The following TTC28 variants were observed in gnomAD, a reference collection of about 807,000 sequenced individuals.
TTC28 encodes the protein tetratricopeptide repeat protein 28.
In TTC28, 61 loss-of-function variants were observed where a neutral mutation model predicts 198.0. That is an observed-to-expected ratio of 0.31 (90% CI 0.25 to 0.38). TTC28 has a LOEUF of 0.38. Among genes scored for constraint, TTC28 ranks in the 10% least tolerant of loss-of-function variants. The pLI is 1.00. For synonymous variants in TTC28, 1,171 were observed against 1,297.8 expected (o/e 0.90, Z 2.10); for missense variants, 2,678 against 3,164.0 (o/e 0.85, Z 3.69).
chr22:28,340,195 C>G (rs1373881902), intron 2 of TTC28, among the ~76,000 whole-genome samples: 3 of 152,098 alleles, frequency 2.0e-5, no homozygotes, highest in Non-Finnish European at 4.4e-5. Context: ...AATTACTTTC[C>G]TTCTCTGGGG....
intron 12 of TTC28, among the ~76,000 whole-genome samples, chr22:28,046,578 A>G (rs1001105853): frequency 6.6e-6 from 1 of 152,240 alleles, no homozygotes; most frequent in East Asian, 1.9e-4. Context: ...TTCTAAAGGT[A>G]ACCAAGCAAA....
chr22:28,203,962 T>C (rs1227938875), intron 5 of TTC28, among the ~76,000 whole-genome samples: 1 of 152,170 alleles, frequency 6.6e-6, no homozygotes, highest in African/African-American at 2.4e-5. Flanking sequence ...AATATGTTTA[T>C]TCATTGCCTT....
At chr22:28,210,482 C>T (rs1292274974) in intron 5 of TTC28, among the ~76,000 whole-genome samples, 1 of 151,972 alleles carries the variant, frequency 6.6e-6, no homozygotes, top group East Asian at 1.9e-4. Flanking sequence ...ATGAGAACTA[C>T]GTGACACATA....
At chr22:28,178,869 C>A (rs1416984322) in intron 5 of TTC28, among the ~76,000 whole-genome samples, 1 of 152,190 alleles carries the variant, frequency 6.6e-6, no homozygotes, top group Admixed American at 6.5e-5. Flanking sequence ...ATTAATAACA[C>A]CACCAGGGTT....
intron 2 of TTC28, among the ~76,000 whole-genome samples, chr22:28,529,858 A>C (rs1470055017): frequency 6.6e-6 from 1 of 152,198 alleles, no homozygotes; most frequent in African/African-American, 2.4e-5. Flanking sequence ...GTTAGAAGGA[A>C]AACTAACACA....
chr22:28,236,745 C>T (rs925710682), intron 5 of TTC28, among the ~76,000 whole-genome samples: 5 of 152,134 alleles, frequency 3.3e-5, no homozygotes, highest in South Asian at 2.1e-4. Flanking sequence ...TAAATTCCAG[C>T]GTACGTTCAG....
At chr22:28,507,910 A>C (rs971991030) in intron 2 of TTC28, among the ~76,000 whole-genome samples, 1 of 152,222 alleles carries the variant, frequency 6.6e-6, no homozygotes, top group African/African-American at 2.4e-5. Context: ...TGAAGGAAGC[A>C]CTAAATATGG....
chr22:28,601,777 G>GACACACACAC (rs34208241), intron 2 of TTC28, among the ~76,000 whole-genome samples: 4,656 of 141,460 alleles, frequency 0.033, 126 homozygotes, highest in Middle Eastern at 0.079. Flanking sequence ...GTAAACCCTA[G>GACACACACAC]ACACACACAC....
chr22:28,129,103 A>C (rs1203324654), intron 6 of TTC28, among the ~76,000 whole-genome samples: 1 of 152,170 alleles, frequency 6.6e-6, no homozygotes, highest in African/African-American at 2.4e-5. Flanking sequence ...ACAAGTACCC[A>C]AATGCTTTAG....
At chr22:28,504,985 G>A (rs9306458) in intron 2 of TTC28, among the ~76,000 whole-genome samples, 1 of 151,780 alleles carries the variant, frequency 6.6e-6, no homozygotes, top group Non-Finnish European at 1.5e-5. Flanking sequence ...GCCGGGTGCC[G>A]TGACTCACGC....
chr22:28,388,820 C>G (rs1358174813), intron 2 of TTC28, among the ~76,000 whole-genome samples: 34 of 152,064 alleles, frequency 2.2e-4, no homozygotes, highest in Admixed American at 1.0e-3. Flanking sequence ...TTTCCTAATT[C>G]AATACCCTTT....
chr22:28,406,921 C>T (rs1274282323), intron 2 of TTC28, among the ~76,000 whole-genome samples: 1 of 152,154 alleles, frequency 6.6e-6, no homozygotes, highest in Non-Finnish European at 1.5e-5. Context: ...TTACAAAAAA[C>T]TTTACTGGAC....
intron 2 of TTC28, among the ~76,000 whole-genome samples, chr22:28,542,898 A>T (rs1311681307): frequency 2.0e-5 from 3 of 152,236 alleles, no homozygotes; most frequent in Non-Finnish European, 4.4e-5. Flanking sequence ...AATAAGAACA[A>T]ATATCAATAA....
intron 2 of TTC28, among the ~76,000 whole-genome samples, chr22:28,386,194 G>C (rs958207025): frequency 7.0e-6 from 1 of 143,828 alleles, no homozygotes; most frequent in African/African-American, 2.6e-5. Context: ...AGAATGGCGT[G>C]AACCCGGGAG....
intron 2 of TTC28, among the ~76,000 whole-genome samples, chr22:28,432,286 AAAAT>A (rs548317275): frequency 1.2e-4 from 18 of 151,768 alleles, no homozygotes; most frequent in African/African-American, 3.9e-4. Context: ...ACTCTGTCTC[AAAAT>A]AAATAAATAA....
At chr22:28,310,134 T>TC (rs2045227786) in intron 2 of TTC28, among the ~76,000 whole-genome samples, 1 of 101,102 alleles carries the variant, frequency 9.9e-6, no homozygotes, top group South Asian at 3.5e-4. Flanking sequence ...CTGTGACACA[T>TC]AACACACACA....
At chr22:28,084,644 G>A (rs980584110) in intron 12 of TTC28, among the ~76,000 whole-genome samples, 1 of 152,184 alleles carries the variant, frequency 6.6e-6, no homozygotes, top group Non-Finnish European at 1.5e-5. Context: ...ACCAGCAACG[G>A]AACAAAGCTG....
chr22:28,042,426 T>C (rs1015832646), intron 12 of TTC28, among the ~76,000 whole-genome samples: 2 of 152,160 alleles, frequency 1.3e-5, no homozygotes, highest in East Asian at 1.9e-4. Context: ...TTCATAACCT[T>C]TGCAGGGACT....
chr22:28,568,737 T>C (rs2091725760), intron 2 of TTC28, among the ~76,000 whole-genome samples: 1 of 152,186 alleles, frequency 6.6e-6, no homozygotes, highest in African/African-American at 2.4e-5. Context: ...TCCATGCTCA[T>C]GAATAAGAGT....
Sources: gnomAD v4.1 joint callset for allele counts (sites outside exome capture counted in the v4.1 genomes callset) on GRCh38, gnomAD v4.1.1 for gene constraint, MANE v1.5 for transcripts, NCBI Gene and HGNC (gene_info 2026-07-23, HGNC 2026-07-21) for gene names.